TNFRSF19: variants seen among roughly 807,000 people sequenced by gnomAD.
TNFRSF19 encodes the protein tumor necrosis factor receptor superfamily member 19.
In TNFRSF19, 27 loss-of-function variants were observed where a neutral mutation model predicts 46.4. The observed-to-expected ratio is 0.58, with a 90% CI of 0.43 to 0.80. The LOEUF is 0.80. Among genes scored for constraint, TNFRSF19 ranks in the 30% least tolerant of loss-of-function variants. The pLI is 0.00. For missense variants in TNFRSF19, 511 were observed against 530.8 expected, an observed-to-expected ratio of 0.96 and a Z score of 0.37; for synonymous variants, 204 against 205.0, an observed-to-expected ratio of 1.00 and a Z score of 0.04.
chr13:23,643,475 C>G (rs531042311), intron 5 of TNFRSF19, among the ~76,000 whole-genome samples: 2 of 152,280 alleles, frequency 1.3e-5, no homozygotes, highest in Non-Finnish European at 2.9e-5. Flanking sequence ...TATTAATAAT[C>G]TAAAGGAAAC....
At chr13:23,630,879 T>G (rs1299735650) in intron 5 of TNFRSF19, among the ~76,000 whole-genome samples, 3 of 152,118 alleles carry the variant, frequency 2.0e-5, no homozygotes, top group Non-Finnish European at 4.4e-5. Flanking sequence ...AAAACTTTAT[T>G]TAAGTATGTT....
At chr13:23,618,220 G>A (rs1049919425) in intron 4 of TNFRSF19, among the ~76,000 whole-genome samples, 20 of 152,142 alleles carry the variant, frequency 1.3e-4, no homozygotes, top group African/African-American at 4.8e-4. Flanking sequence ...CCACAAAATA[G>A]GAGAAAATAC....
chr13:23,636,634 G>A (rs12876874), intron 5 of TNFRSF19, among the ~76,000 whole-genome samples: 34,709 of 152,098 alleles, frequency 0.23, 4,619 homozygotes, highest in East Asian at 0.4. Flanking sequence ...GTTTATTAAG[G>A]TGACCCTAGG....
chr13:23,583,042 G>T (rs1339624755), intron 1 of TNFRSF19, among the ~76,000 whole-genome samples: 1 of 151,650 alleles, frequency 6.6e-6, no homozygotes, highest in African/African-American at 2.4e-5. Flanking sequence ...GCAACTTTTT[G>T]TATGAAAGTT....
intron 5 of TNFRSF19, among the ~76,000 whole-genome samples, chr13:23,647,685 C>A (rs1438871479): frequency 6.6e-6 from 1 of 152,146 alleles, no homozygotes; most frequent in Non-Finnish European, 1.5e-5. Context: ...ACCACTGTGC[C>A]CAGCCTCTTC....
intron 5 of TNFRSF19, among the ~76,000 whole-genome samples, chr13:23,640,122 C>CT (rs1440489589): frequency 6.6e-6 from 1 of 152,076 alleles, no homozygotes; most frequent in East Asian, 1.9e-4. Context: ...AGGGGTTTGG[C>CT]TACCTGAGAG....
At chr13:23,575,204 G>A (rs1028308192) in intron 1 of TNFRSF19, among the ~76,000 whole-genome samples, 7 of 152,156 alleles carry the variant, frequency 4.6e-5, no homozygotes, top group East Asian at 1.9e-4. Context: ...TTCCCTCATC[G>A]AACTCATGAA....
intron 5 of TNFRSF19, among the ~76,000 whole-genome samples, chr13:23,644,237 C>A (rs1334961451): frequency 6.6e-6 from 1 of 152,208 alleles, no homozygotes; most frequent in Non-Finnish European, 1.5e-5. Flanking sequence ...CCCTCAGTTT[C>A]ATATGGTTTG....
chr13:23,663,359 T>C (rs1033447805), intron 7 of TNFRSF19, among the ~76,000 whole-genome samples: 2 of 152,264 alleles, frequency 1.3e-5, no homozygotes, highest in African/African-American at 4.8e-5. Context: ...ATCCCAGGGA[T>C]GAAGCCTGCT....
At chr13:23,607,374 G>A (rs778340938) in intron 3 of TNFRSF19, among the ~76,000 whole-genome samples, 15 of 152,036 alleles carry the variant, frequency 9.9e-5, no homozygotes, top group Non-Finnish European at 1.8e-4. Flanking sequence ...GCAGAGTTGT[G>A]GTGAGCCGAG....
intron 3 of TNFRSF19, among the ~76,000 whole-genome samples, chr13:23,596,793 A>G (rs1012894770): frequency 2.0e-5 from 3 of 152,232 alleles, no homozygotes; most frequent in Non-Finnish European, 4.4e-5. Flanking sequence ...AATCAACAGA[A>G]TGTACATTCT....
chr13:23,660,512 C>T (rs773726446), intron 7 of TNFRSF19, 22 bp downstream of exon 7: 34 of 1,608,928 alleles, frequency 2.1e-5, no homozygotes, highest in Non-Finnish European at 2.7e-5. Context: ...AGGGAAGTGC[C>T]GTTAGGAGGA....
Position 23,659,023 on chromosome 13 carries a change from AT to A in TNFRSF19, c.446-26del, listed in dbSNP as rs1246718295. ...CACTGCATCTGCAGTTGTTCAGAGC[AT>A]GCTGACCCCATTCCTGTGGTTTCAG... is the stretch of plus-strand genomic sequence containing the variant. On this transcript the variant is annotated intron_variant, in intron 5 of 9. Coordinates refer to ENST00000248484, the MANE Select transcript of TNFRSF19 (RefSeq NM_148957.4). The surrounding 1 kb of genome is among the most constrained non-coding windows in gnomAD (Gnocchi z 4.9). 5.6e-6 allele frequency: 9 copies of A among 1,612,180 alleles called. No homozygotes were observed. The highest frequency in any genetic ancestry group is 7.6e-6 in the Non-Finnish European group (9 of 1,179,992).
At chr13:23,585,020 G>A (rs371174106) in intron 1 of TNFRSF19, among the ~76,000 whole-genome samples, 10 of 152,286 alleles carry the variant, frequency 6.6e-5, no homozygotes, top group African/African-American at 2.4e-4. Flanking sequence ...GTATTTCTAA[G>A]TCATTCGTGA....
At chr13:23,673,242 C>A in intron 9 of TNFRSF19, 130 bp from the exon 10 acceptor site, 1 of 938,866 alleles carries the variant, frequency 1.1e-6, no homozygotes, top group Non-Finnish European at 1.5e-6. Context: ...AGTTTCTTGT[C>A]CATATGCTAT....
At chr13:23,660,642 T>G (rs1254585711) in intron 7 of TNFRSF19, 152 bp downstream of exon 7, 4 of 912,830 alleles carry the variant, frequency 4.4e-6, no homozygotes, top group Admixed American at 3.7e-5. Context: ...CTCCACCATC[T>G]CCTGTTGGTT....
intron 4 of TNFRSF19, among the ~76,000 whole-genome samples, chr13:23,623,994 G>T (rs933314811): frequency 4.0e-5 from 6 of 151,838 alleles, no homozygotes; most frequent in Admixed American, 2.6e-4. Context: ...GTTTCCTATG[G>T]TTTTGGTGTC....
chr13:23,622,036 T>G (rs868475948), intron 4 of TNFRSF19, among the ~76,000 whole-genome samples: 1 of 152,130 alleles, frequency 6.6e-6, no homozygotes, highest in African/African-American at 2.4e-5. Context: ...CACCTCTTCA[T>G]GCGTAGTAGT....
intron 5 of TNFRSF19, among the ~76,000 whole-genome samples, chr13:23,643,401 A>G (rs945271322): frequency 3.3e-5 from 5 of 152,244 alleles, no homozygotes; most frequent in Non-Finnish European, 7.3e-5. Context: ...GGATAATAGA[A>G]ACCATTTTGG....
Sources: allele counts gnomAD v4.1 joint callset (sites outside exome capture counted in the v4.1 genomes callset), GRCh38; gene constraint gnomAD v4.1.1; non-coding constraint Gnocchi (gnomAD v3.1); transcripts MANE v1.5; gene names NCBI Gene and HGNC (gene_info 2026-07-23, HGNC 2026-07-21).